Variants in SCAF4 observed in about 807,000 individuals in gnomAD.
SCAF4 encodes SR-related CTD associated factor 4.
A neutral mutation model predicts 129.8 loss-of-function variants in SCAF4; 25 were observed. That is an observed-to-expected ratio of 0.19 (90% CI 0.14 to 0.27). The LOEUF is 0.27. Ranked by LOEUF, SCAF4 falls within the 10% of genes least tolerant of loss-of-function variation. The pLI is 1.00. For synonymous variants in SCAF4, 551 were observed against 497.7 expected, an observed-to-expected ratio of 1.11 and a Z score of -1.43; for missense variants, 1,246 against 1,457.1, an observed-to-expected ratio of 0.86 and a Z score of 2.36.
chr21:31,691,387 T>C (rs562501320), intron 14 of SCAF4, among the ~76,000 whole-genome samples: 21 of 152,288 alleles, frequency 1.4e-4, no homozygotes, highest in African/African-American at 4.8e-4. Context: ...GAAGAAACAC[T>C]GACTTTAGCT....
At chr21:31,683,269 C>T (rs944391219) in intron 19 of SCAF4, among the ~76,000 whole-genome samples, 2 of 152,152 alleles carry the variant, frequency 1.3e-5, no homozygotes. Context: ...TGATGATAAA[C>T]GCTACGACTG....
chr21:31,696,485 T>C (rs1313435769), intron 8 of SCAF4, 84 bp downstream of exon 8: 6 of 1,251,034 alleles, frequency 4.8e-6, no homozygotes, highest in South Asian at 3.3e-5. Flanking sequence ...TAGAACATTG[T>C]TGTCATTGCT....
At chr21:31,681,190 A>G (rs1055550547) in intron 19 of SCAF4, among the ~76,000 whole-genome samples, 1 of 152,248 alleles carries the variant, frequency 6.6e-6, no homozygotes, top group African/African-American at 2.4e-5. Context: ...CAGCTACAGT[A>G]GTGTGACAAA....
chr21:31,683,688 C>G (rs1023528722), intron 19 of SCAF4, among the ~76,000 whole-genome samples: 15 of 150,992 alleles, frequency 9.9e-5, no homozygotes, highest in African/African-American at 3.7e-4. Flanking sequence ...TTCTGTGATT[C>G]TTGTGCAATC....
chr21:31,717,904 TACACAC>T (rs35191665), intron 1 of SCAF4, among the ~76,000 whole-genome samples: 2,864 of 117,950 alleles, frequency 0.024, 47 homozygotes, highest in East Asian at 0.072. Context: ...TACACATATA[TACACAC>T]ACACACACAC....
chr21:31,704,907 T>G (rs1471636746), intron 3 of SCAF4, among the ~76,000 whole-genome samples: 1 of 152,156 alleles, frequency 6.6e-6, no homozygotes, highest in Non-Finnish European at 1.5e-5. Context: ...AAACACTGAT[T>G]AGTAGGTACT....
At chr21:31,685,354 A>G in intron 18 of SCAF4, 44 bp downstream of exon 18, 1 of 1,556,058 alleles carries the variant, frequency 6.4e-7, no homozygotes, top group Non-Finnish European at 8.8e-7. Flanking sequence ...TCCTACACCC[A>G]GCTCCAAGAG....
intron 1 of SCAF4, 27 bp downstream of exon 1, chr21:31,731,636 C>T (rs1287245542): frequency 6.3e-7 from 1 of 1,587,502 alleles, no homozygotes; most frequent in South Asian, 1.1e-5. Flanking sequence ...GCAGGCCCGG[C>T]ACCCCCCTGC....
rs1220128734 is a variant in SCAF4 at position 31,671,095 on chromosome 21, C to A, written c.*304G>T. ...TTGTTTTGAGGAGCTTTCACCGTTA[C>A]CTTGTCTTAAATTAAAAAAAAAAAA... On this transcript the variant is annotated 3_prime_UTR_variant, in exon 20 of 20. Coordinates refer to ENST00000286835, the MANE Select transcript of SCAF4 (RefSeq NM_020706.2). The A allele has an allele frequency of 8.0e-6, 2 of 249,016 alleles. No homozygotes were observed. Among genetic ancestry groups the A allele is most frequent in the Non-Finnish European group, 1.5e-5 (2 of 134,254 alleles). 15.4% of individuals were successfully genotyped at this position (249,016 alleles called of 1,614,324 possible). A position where few individuals can be genotyped will look rare whatever the true frequency, so the allele number is the denominator to read the frequency against.
chr21:31,689,736 C>T (rs1056720582), intron 15 of SCAF4, among the ~76,000 whole-genome samples: 33 of 150,892 alleles, frequency 2.2e-4, no homozygotes, highest in Non-Finnish European at 4.0e-4. Context: ...AGTTCGAGGC[C>T]AGCCTAACAT....
Position 31,685,629 on chromosome 21 carries a change from A to G in SCAF4, c.2148T>C (p.Pro716=). 1 of 1,614,088 alleles carries G rather than the reference A, an allele frequency of 6.2e-7. No homozygotes were observed. Among genetic ancestry groups the G allele is most frequent in the Non-Finnish European group, 8.5e-7 (1 of 1,180,006 alleles). ...AAAATGGTGGAGGAGGAGGGGGAGG[A>G]GGAACACCAGGACCAAAGCCTGGAG... ...IPPPGFGPGV[P]PPPPPPPFLR... is the part of the protein sequence containing the mutation. The change falls in exon 17 of 20, where the codon CCT becomes CCC. Residue 716 remains proline (P), a synonymous_variant. Coordinates refer to ENST00000286835, the MANE Select transcript of SCAF4 (RefSeq NM_020706.2).
intron 12 of SCAF4, 86 bp downstream of exon 12, chr21:31,693,208 T>G: frequency 1.0e-6 from 1 of 969,850 alleles, no homozygotes; most frequent in Non-Finnish European, 1.4e-6. Flanking sequence ...ACATTTCTTT[T>G]ATAGTTTTGC....
chr21:31,717,193 T>TA (rs1225340387), intron 1 of SCAF4, among the ~76,000 whole-genome samples: 1 of 152,098 alleles, frequency 6.6e-6, no homozygotes, highest in Non-Finnish European at 1.5e-5. Flanking sequence ...AAACAAGAAC[T>TA]AAAAAATGTC....
chr21:31,706,926 T>C (rs2050678877), intron 1 of SCAF4: 3 of 304,608 alleles, frequency 9.8e-6, no homozygotes, highest in African/African-American at 4.6e-5. Context: ...TCCAGAGGAG[T>C]ATTTTTATCA....
chr21:31,701,749 A>G (rs767468215), intron 6 of SCAF4, 27 bp downstream of exon 6: 1 of 1,587,432 alleles, frequency 6.3e-7, no homozygotes, highest in South Asian at 1.2e-5. Flanking sequence ...TCCTGCAAAC[A>G]ATTTCACTTT....
intron 19 of SCAF4, among the ~76,000 whole-genome samples, chr21:31,676,507 T>G (rs748160776): frequency 4.6e-5 from 7 of 152,182 alleles, no homozygotes; most frequent in African/African-American, 7.2e-5. Flanking sequence ...AATCTCCACC[T>G]GGACATGGAG....
intron 1 of SCAF4, among the ~76,000 whole-genome samples, chr21:31,711,687 G>T (rs1416057103): frequency 6.6e-6 from 1 of 152,110 alleles, no homozygotes; most frequent in African/African-American, 2.4e-5. Flanking sequence ...CAGAAGAATA[G>T]TGTACAGATA....
chr21:31,682,231 C>T (rs112342272), intron 19 of SCAF4, among the ~76,000 whole-genome samples: 15,127 of 151,934 alleles, frequency 0.1, 1,312 homozygotes, highest in African/African-American at 0.24. Flanking sequence ...ATAGAAAAAT[C>T]AGCTGGGCGT....
chr21:31,721,042 A>G (rs2051053906), intron 1 of SCAF4, among the ~76,000 whole-genome samples: 1 of 152,160 alleles, frequency 6.6e-6, no homozygotes, highest in Non-Finnish European at 1.5e-5. Context: ...GGACAATTCA[A>G]TGGTTTTTGA....
Sources: allele counts gnomAD v4.1 joint callset (sites outside exome capture counted in the v4.1 genomes callset), GRCh38; gene constraint gnomAD v4.1.1; transcripts MANE v1.5; gene names NCBI Gene and HGNC (gene_info 2026-07-23, HGNC 2026-07-21).